The following DMD variants were observed in gnomAD, a reference collection of about 807,000 sequenced individuals.
The protein encoded by DMD is mutant dystrophin.
Under a neutral mutation model 330.1 loss-of-function variants are expected in DMD, and 63 were observed. The observed-to-expected ratio is 0.19, with a 90% CI of 0.16 to 0.24. The LOEUF is 0.24. DMD is among the 10% of genes least tolerant of loss of function. The pLI, the probability that DMD is intolerant of heterozygous loss-of-function variation, is 1.00. For synonymous variants in DMD, 1,223 were observed against 959.8 expected (o/e 1.27, Z -5.07); for missense variants, 3,344 against 2,684.1 (o/e 1.25, Z -5.43).
chrX:32,602,238 T>C (rs921149552), intron 12 of DMD, among the ~76,000 whole-genome samples: 4 of 111,818 alleles, frequency 3.6e-5, no homozygotes, highest in Admixed American at 9.5e-5. Flanking sequence ...TGTCATGGAG[T>C]GAGGACAGTC....
chrX:31,966,599 T>A (rs986972250), intron 45 of DMD, among the ~76,000 whole-genome samples: 1 of 111,158 alleles, frequency 9.0e-6, no homozygotes, highest in Non-Finnish European at 1.9e-5. Context: ...GGGAAAATTT[T>A]TTTCCTAATT....
At chrX:32,366,631 T>TA (rs1279884146) in intron 34 of DMD, among the ~76,000 whole-genome samples, 3 of 111,759 alleles carry the variant, frequency 2.7e-5, no homozygotes, top group African/African-American at 6.5e-5. Flanking sequence ...GCTGGCCTCA[T>TA]AGAGTCACTC....
At chrX:32,955,098 G>A (rs1235761630) in intron 2 of DMD, among the ~76,000 whole-genome samples, 5 of 111,731 alleles carry the variant, frequency 4.5e-5, no homozygotes, top group Non-Finnish European at 3.8e-5. Flanking sequence ...CTGTCTGTAG[G>A]TCTTTGAGGA....
chrX:31,220,895 G>GGT, intron 64 of DMD, among the ~76,000 whole-genome samples: 1 of 55,071 alleles, frequency 1.8e-5, no homozygotes, highest in Admixed American at 2.8e-4. Context: ...TTTTTTTTGC[G>GGT]ATTTTTTTTT....
chrX:32,092,611 G>C (rs1310414702), intron 44 of DMD, among the ~76,000 whole-genome samples: 1 of 110,204 alleles, frequency 9.1e-6, no homozygotes, highest in Non-Finnish European at 1.9e-5. Flanking sequence ...ATTGGATGTG[G>C]AGACTCCAAA....
At chrX:31,760,488 T>C (rs2089486620) in intron 51 of DMD, among the ~76,000 whole-genome samples, 1 of 111,969 alleles carries the variant, frequency 8.9e-6, no homozygotes, top group Non-Finnish European at 1.9e-5. Flanking sequence ...GATACACAAA[T>C]ACTTGCCATC....
At chrX:31,915,237 T>C (rs1454465250) in intron 47 of DMD, among the ~76,000 whole-genome samples, 1 of 79,108 alleles carries the variant, frequency 1.3e-5, no homozygotes, top group Non-Finnish European at 2.3e-5. Context: ...CTGTGTGTTC[T>C]CTTGATGATA....
chrX:32,394,407 CT>C (rs2098025763), intron 30 of DMD, among the ~76,000 whole-genome samples: 1 of 112,045 alleles, frequency 8.9e-6, no homozygotes, highest in African/African-American at 3.2e-5. Flanking sequence ...CCTTGATTTT[CT>C]CATGTCTAGC....
chrX:31,712,017 C>T (rs753076098), intron 52 of DMD, among the ~76,000 whole-genome samples: 4 of 110,900 alleles, frequency 3.6e-5, no homozygotes, highest in Admixed American at 9.7e-5. Flanking sequence ...GGTCTTGAAG[C>T]ATATTTCTCC....
rs764471873 is a variant in DMD at position 31,691,856 on chromosome X, CT to C, written c.7661-12271del. Among the ~76,000 whole-genome samples, 4 of 111,908 alleles carry C rather than the reference CT, an allele frequency of 3.6e-5. No homozygotes were observed. The South Asian group carries it at 1.5e-3, about 42-fold the overall frequency. On this transcript the variant is annotated intron_variant, in intron 52 of 78. Coordinates refer to ENST00000357033, the MANE Select transcript of DMD (RefSeq NM_004006.3). ...AATAGCAGGCAATTTCAATATTCCA[CT>C]TTAAGCAATAGACAGAAAAATTCAT... is the stretch of plus-strand genomic sequence containing the variant.
chrX:32,461,781 C>T (rs2098384221), intron 25 of DMD, among the ~76,000 whole-genome samples: 2 of 109,531 alleles, frequency 1.8e-5, no homozygotes, highest in Non-Finnish European at 3.8e-5. Context: ...AGGAAAACAT[C>T]AATGGTATAA....
intron 37 of DMD, among the ~76,000 whole-genome samples, chrX:32,351,170 C>A (rs1157149545): frequency 1.8e-5 from 2 of 110,750 alleles, no homozygotes; most frequent in Non-Finnish European, 3.8e-5. Context: ...ATGTGTCCAT[C>A]CAATATAAAT....
At chrX:31,257,818 G>A (rs1209597162) in intron 63 of DMD, among the ~76,000 whole-genome samples, 1 of 111,891 alleles carries the variant, frequency 8.9e-6, no homozygotes, top group African/African-American at 3.3e-5. Context: ...GGTGGCGGGT[G>A]CCTAGTAATC....
intron 4 of DMD, among the ~76,000 whole-genome samples, chrX:32,835,327 A>C (rs773894987): frequency 3.6e-5 from 4 of 112,252 alleles, no homozygotes; most frequent in South Asian, 3.7e-4. Flanking sequence ...AAATAAAAAG[A>C]AGCTGTGGAT....
chrX:32,720,845 G>A (rs1382877273), intron 7 of DMD, among the ~76,000 whole-genome samples: 3 of 111,068 alleles, frequency 2.7e-5, no homozygotes, highest in African/African-American at 9.8e-5. Flanking sequence ...CCACATAACT[G>A]CAAGTTTCCA....
intron 7 of DMD, among the ~76,000 whole-genome samples, chrX:32,770,708 T>C (rs1299095531): frequency 8.9e-6 from 1 of 111,988 alleles, no homozygotes; most frequent in Non-Finnish European, 1.9e-5. Flanking sequence ...GTTCCTACTG[T>C]TTTAGGACCA....
intron 51 of DMD, among the ~76,000 whole-genome samples, chrX:31,749,190 T>C (rs947866579): frequency 4.9e-4 from 53 of 109,072 alleles, no homozygotes; most frequent in Non-Finnish European, 7.6e-4. Flanking sequence ...ATGTGCACAA[T>C]GTGCAGGTTA....
At chrX:32,947,392 A>G (rs2090893507) in intron 2 of DMD, among the ~76,000 whole-genome samples, 1 of 112,055 alleles carries the variant, frequency 8.9e-6, no homozygotes, top group Admixed American at 9.5e-5. Flanking sequence ...TCTTTATCAT[A>G]AAACTGGCTT....
intron 60 of DMD, among the ~76,000 whole-genome samples, chrX:31,384,888 T>C (rs772897812): frequency 1.8e-5 from 2 of 112,503 alleles, no homozygotes; most frequent in South Asian, 7.4e-4. Context: ...CTTTCAACGA[T>C]GTGCGTAGGA....
Sources: allele counts gnomAD v4.1 joint callset (sites outside exome capture counted in the v4.1 genomes callset), GRCh38; gene constraint gnomAD v4.1.1; transcripts MANE v1.5; gene names NCBI Gene and HGNC (gene_info 2026-07-23, HGNC 2026-07-21).